Variants in KHDC1 observed in about 807,000 individuals in gnomAD.
KHDC1 encodes the protein KH homology domain-containing protein 1.
In KHDC1, 21 loss-of-function variants were observed where a neutral mutation model predicts 24.7. The ratio of observed to expected loss-of-function variants is 0.85; its 90% confidence interval spans 0.60 to 1.23. KHDC1 has a LOEUF of 1.23. Among genes scored for constraint, KHDC1 ranks in the 50% most tolerant of loss-of-function variants. The pLI is 0.00. For synonymous variants in KHDC1, 98 were observed against 111.7 expected (o/e 0.88, Z 0.77); for missense variants, 274 against 298.5 (o/e 0.92, Z 0.61).
At chr6:73,285,133 C>T (rs889016635) in intron 2 of KHDC1, among the ~76,000 whole-genome samples, 3 of 152,074 alleles carry the variant, frequency 2.0e-5, no homozygotes, top group Non-Finnish European at 2.9e-5. Context: ...GTGTGAGCCA[C>T]CCAGCGTGTC....
Position 73,283,756 on chromosome 6 carries a change from A to C in KHDC1, c.206+8242T>G, listed in dbSNP as rs527543066. 4.7e-5 allele frequency among the ~76,000 whole-genome samples: 7 copies of C among 147,570 alleles called. No homozygotes were observed. In the East Asian group the frequency reaches 1.4e-3, roughly 30 times the overall value. On this transcript the variant is annotated intron_variant, in intron 2 of 4. Coordinates refer to ENST00000370384, the Ensembl canonical transcript of KHDC1. ...CCCAGGTTCAAATTTTTGTATTTTT[A>C]GTAGGGAAAGGGTTTCATCGTGTTG...
intron 1 of KHDC1, chr6:73,292,117 C>T: frequency 1.3e-6 from 2 of 1,596,406 alleles, no homozygotes; most frequent in Non-Finnish European, 8.6e-7. Context: ...ACATGGTAGA[C>T]TTTGCTATGG....
chr6:73,246,387 T>C (rs1028321029), intron 2 of KHDC1, among the ~76,000 whole-genome samples: 27 of 152,172 alleles, frequency 1.8e-4, no homozygotes, highest in African/African-American at 6.3e-4. Context: ...ACATTAATCA[T>C]TAACAAGAAA....
chr6:73,255,797 G>A (rs1176893382), intron 2 of KHDC1, among the ~76,000 whole-genome samples: 5 of 151,118 alleles, frequency 3.3e-5, no homozygotes, highest in South Asian at 2.1e-4. Flanking sequence ...AGCTACTCAC[G>A]AGGCTGAGAC....
intron 1 of KHDC1, chr6:73,301,461 A>G (rs1767873647): frequency 6.6e-6 from 1 of 152,188 alleles, no homozygotes; most frequent in Non-Finnish European, 1.5e-5. Flanking sequence ...TTTCATAAGT[A>G]AACAGAATTC....
chr6:73,242,275 A>T, intron 3 of KHDC1, 38 bp from the exon 3 acceptor site: 1 of 1,606,024 alleles, frequency 6.2e-7, no homozygotes, highest in East Asian at 2.2e-5. Flanking sequence ...TCTGTCAAGC[A>T]CCAGCCCTTA....
chr6:73,277,867 A>C (rs1767326725), intron 2 of KHDC1, among the ~76,000 whole-genome samples: 1 of 151,804 alleles, frequency 6.6e-6, no homozygotes, highest in Non-Finnish European at 1.5e-5. Context: ...GTGTCTCAAA[A>C]AAAAAAAAAA....
At chr6:73,296,481 T>C (rs1767762572) in intron 1 of KHDC1, among the ~76,000 whole-genome samples, 1 of 152,042 alleles carries the variant, frequency 6.6e-6, no homozygotes, top group African/African-American at 2.4e-5. Context: ...CATACACAAA[T>C]CTAATGTATC....
chr6:73,253,494 A>G (rs1031881856), intron 2 of KHDC1, among the ~76,000 whole-genome samples: 15 of 152,100 alleles, frequency 9.9e-5, no homozygotes, highest in Admixed American at 3.9e-4. Context: ...CAGAGCTTGC[A>G]GTGAGCCAAG....
chr6:73,290,050 A>G (rs1357710085), intron 2 of KHDC1, among the ~76,000 whole-genome samples: 1 of 140,920 alleles, frequency 7.1e-6, no homozygotes, highest in Non-Finnish European at 1.5e-5. Context: ...CAGTGAGCCG[A>G]GATTGCGCCA....
chr6:73,294,115 C>G (rs534262779), intron 1 of KHDC1, among the ~76,000 whole-genome samples: 1 of 131,568 alleles, frequency 7.6e-6, no homozygotes, highest in Admixed American at 7.6e-5. Flanking sequence ...AAGACTGTCT[C>G]GAGACAAAAC....
Position 73,307,732 on chromosome 6 carries a change from A to G in KHDC1, c.163+1820T>C, listed in dbSNP as rs574512230. 5.3e-5 allele frequency among the ~76,000 whole-genome samples: 8 copies of G among 152,264 alleles called. No homozygotes were observed. The East Asian group carries it at 1.4e-3, about 26-fold the overall frequency. On this transcript the variant is annotated intron_variant, in intron 1 of 4. Coordinates refer to ENST00000370384, the Ensembl canonical transcript of KHDC1. ...CGCCTGGCTCGTGCTCTGGCTAAAA[A>G]GAGAGCAGCTGATCATATGCATGCC...
rs560242226 is a variant in KHDC1 at position 73,257,784 on chromosome 6, C to A, written c.207-15254G>T. ...TTCATGGCCAAGTAAAACTCTTTGA[C>A]CCTCAGACAAACAGTATGATTTCAT... On this transcript the variant is annotated intron_variant, in intron 2 of 4. Transcript: ENST00000370384. Among the ~76,000 whole-genome samples, 3 of 152,050 alleles carry A rather than the reference C, an allele frequency of 2.0e-5. No homozygotes were observed. In the South Asian group the frequency reaches 6.2e-4, roughly 32 times the overall value.
intron 1 of KHDC1, chr6:73,300,144 T>A (rs1229461159): frequency 2.6e-5 from 4 of 152,436 alleles, no homozygotes; most frequent in Non-Finnish European, 5.9e-5. Flanking sequence ...CTGACCTCCG[T>A]CCCACACACC....
chr6:73,262,771 C>CT lies in KHDC1; in HGVS notation c.207-20242_207-20241insA, dbSNP rs1383526206. Reference sequence around the variant, plus strand: ...AATGTGCAAGATCTAGATGAAGACCCACCAGATAGGATGCTCTCTTGCAGA... The same window carrying CT: ...AATGTGCAAGATCTAGATGAAGACCCTACCAGATAGGATGCTCTCTTGCAGA... On this transcript the variant is annotated intron_variant, in intron 2 of 4. Transcript: ENST00000370384. The CT allele has an allele frequency of 4.1e-6, 4 of 985,432 alleles. No individual in the cohort carries two copies. Among genetic ancestry groups the CT allele is most frequent in the Non-Finnish European group, 3.6e-6 (3 of 829,944 alleles). The allele number at this position is 985,432 out of a possible 1,614,324, so 61.0% of individuals were successfully genotyped here. A position where few individuals can be genotyped will look rare whatever the true frequency, so the allele number is the denominator to read the frequency against.
intron 2 of KHDC1, among the ~76,000 whole-genome samples, chr6:73,249,592 T>C (rs1165711508): frequency 6.6e-6 from 1 of 152,112 alleles, no homozygotes. Context: ...ATTTCGTATA[T>C]TCATGGGAAG....
chr6:73,258,254 CTAAA>C (rs1431522973), intron 2 of KHDC1, among the ~76,000 whole-genome samples: 2 of 152,092 alleles, frequency 1.3e-5, no homozygotes, highest in African/African-American at 4.8e-5. Context: ...GACTCCGTCT[CTAAA>C]TAAATAAATA....
chr6:73,255,463 C>G (rs573438444), intron 2 of KHDC1, among the ~76,000 whole-genome samples: 72 of 148,738 alleles, frequency 4.8e-4, no homozygotes, highest in Non-Finnish European at 9.2e-4. Flanking sequence ...AGGTGATCCA[C>G]CCGCCTTCTT....
chr6:73,261,595 C>A (rs1344040818), intron 2 of KHDC1, among the ~76,000 whole-genome samples: 1 of 151,198 alleles, frequency 6.6e-6, no homozygotes, highest in Non-Finnish European at 1.5e-5. Flanking sequence ...TATGGTGAAA[C>A]CCTGTCACTA....
Sources: allele counts gnomAD v4.1 joint callset (sites outside exome capture counted in the v4.1 genomes callset), GRCh38; gene constraint gnomAD v4.1.1; transcripts MANE v1.5; gene names NCBI Gene and HGNC (gene_info 2026-07-23, HGNC 2026-07-21).